Variants in JAKMIP3 observed in about 807,000 individuals in gnomAD.
JAKMIP3 encodes the protein janus kinase and microtubule-interacting protein 3.
Under a neutral mutation model 118.5 loss-of-function variants are expected in JAKMIP3, and 58 were observed. The observed-to-expected ratio is 0.49, with a 90% CI of 0.40 to 0.61. The LOEUF is 0.61. Ranked by LOEUF, JAKMIP3 falls within the 20% of genes least tolerant of loss-of-function variation. The probability of loss-of-function intolerance (pLI) is 0.00; values close to 1 mark genes in which losing one functional copy is unlikely to be tolerated. For synonymous variants in JAKMIP3, 486 were observed against 451.2 expected (o/e 1.08, Z -0.98); for missense variants, 950 against 1,109.0 (o/e 0.86, Z 2.04).
Position 132,136,929 on chromosome 10 carries a change from G to A in JAKMIP3, c.1117-90G>A, listed in dbSNP as rs2051908014. On this transcript the variant is annotated intron_variant, in intron 6 of 23. Coordinates refer to ENST00000684848, the MANE Select transcript of JAKMIP3 (RefSeq NM_001323087.2). Reference sequence around the variant, plus strand: ...CGGGCAGCTGAGAGTGGCAGCCCGGGTTGAGGGAGAAGACCCCCCCGCCGA... The same window carrying A: ...CGGGCAGCTGAGAGTGGCAGCCCGGATTGAGGGAGAAGACCCCCCCGCCGA... The A allele has an allele frequency of 3.5e-6, 5 of 1,446,012 alleles. No individual in the cohort carries two copies. The South Asian group carries it at 5.4e-5, about 16-fold the overall frequency. 89.6% of individuals were successfully genotyped at this position (1,446,012 alleles called of 1,614,324 possible).
chr10:132,146,862 T>TCAGCACA (rs2054718834), intron 13 of JAKMIP3, among the ~76,000 whole-genome samples: 1 of 152,222 alleles, frequency 6.6e-6, no homozygotes, highest in Non-Finnish European at 1.5e-5. Flanking sequence ...AGCACAGTGC[T>TCAGCACA]GTGTGTGCCA....
At chr10:132,085,832 C>T (rs2042332296) in intron 1 of JAKMIP3, among the ~76,000 whole-genome samples, 1 of 152,092 alleles carries the variant, frequency 6.6e-6, no homozygotes, top group Non-Finnish European at 1.5e-5. Context: ...CTTTTCGTTT[C>T]ATTTATCTTT....
chr10:132,135,697 C>T (rs962824671), intron 5 of JAKMIP3, among the ~76,000 whole-genome samples: 4 of 152,064 alleles, frequency 2.6e-5, no homozygotes, highest in African/African-American at 7.2e-5. Context: ...ACTAGGGCAC[C>T]GGGCGAGCGG....
At position 132,180,722 on chromosome 10, in the gene JAKMIP3, T is replaced by TGC. The variant is rs1459828660; in HGVS notation, c.*1104-1634_*1104-1633insCG. ...GTGTGTGTGTGCGCGTGTGTGTGCG[T>TGC]GTGTGTGCGTGTGTGCGTGCGTGCG... is the stretch of plus-strand genomic sequence containing the variant. On this transcript the variant is annotated intron_variant, in intron 23 of 23. Transcript: ENST00000684848. Among the ~76,000 whole-genome samples, 7 of 21,882 alleles carry TGC rather than the reference T, an allele frequency of 3.2e-4. 1 individual carries two copies. Among genetic ancestry groups the TGC allele is most frequent in the East Asian group, 4.5e-3 (1 of 220 alleles). The allele number at this position is 21,882 out of a possible 152,430, so 14.4% of individuals were successfully genotyped here. A position where few individuals can be genotyped will look rare whatever the true frequency, so the allele number is the denominator to read the frequency against.
chr10:132,106,315 A>G (rs541214808), intron 2 of JAKMIP3, among the ~76,000 whole-genome samples: 15 of 152,114 alleles, frequency 9.9e-5, no homozygotes, highest in African/African-American at 3.6e-4. Flanking sequence ...TCTAGCCTGC[A>G]TGACAGAGCG....
intron 3 of JAKMIP3, among the ~76,000 whole-genome samples, chr10:132,123,651 T>A (rs1009329189): frequency 2.0e-5 from 3 of 152,180 alleles, no homozygotes; most frequent in Admixed American, 6.5e-5. Flanking sequence ...TGCTCTCTGA[T>A]GGCGTCGCTC....
intron 1 of JAKMIP3, among the ~76,000 whole-genome samples, chr10:132,042,219 T>TTCCTTCC (rs1564848163): frequency 6.8e-5 from 2 of 29,206 alleles, no homozygotes; most frequent in African/African-American, 2.1e-4. Flanking sequence ...TCCTTCCTTC[T>TTCCTTCC]TTCCTCCTCC....
At chr10:132,180,744 T>TGC (rs144225577) in intron 23 of JAKMIP3, among the ~76,000 whole-genome samples, 15,735 of 21,912 alleles carry the variant, frequency 0.72, 7,091 homozygotes, top group Non-Finnish European at 0.79. Flanking sequence ...TGTGCGTGCG[T>TGC]GCGCGCGCGT....
intron 13 of JAKMIP3, among the ~76,000 whole-genome samples, chr10:132,146,968 A>C (rs747836066): frequency 1.3e-5 from 2 of 152,182 alleles, no homozygotes; most frequent in Non-Finnish European, 2.9e-5. Flanking sequence ...TTGAACACGC[A>C]CACACGTAAA....
chr10:132,045,303 G>T (rs1210959155), intron 1 of JAKMIP3, among the ~76,000 whole-genome samples: 1 of 152,134 alleles, frequency 6.6e-6, no homozygotes, highest in Non-Finnish European at 1.5e-5. Flanking sequence ...CTTGTTGGCT[G>T]CCTGGATGTT....
chr10:132,111,484 T>C (rs1180610921), intron 2 of JAKMIP3, among the ~76,000 whole-genome samples: 1 of 151,806 alleles, frequency 6.6e-6, no homozygotes, highest in East Asian at 1.9e-4. Context: ...GCAGCCCTCA[T>C]GGGGAGGGTG....
intron 1 of JAKMIP3, among the ~76,000 whole-genome samples, chr10:132,050,386 G>A (rs2038064188): frequency 1.3e-5 from 2 of 152,232 alleles, no homozygotes; most frequent in South Asian, 4.1e-4. Context: ...GGTGTCCAAT[G>A]GACCCTTCAT....
intron 1 of JAKMIP3, among the ~76,000 whole-genome samples, chr10:132,040,396 C>T (rs1346533515): frequency 6.6e-6 from 1 of 152,160 alleles, no homozygotes; most frequent in Non-Finnish European, 1.5e-5. Flanking sequence ...CAGGGCCCTC[C>T]CCTCGCTCCG....
intron 4 of JAKMIP3, among the ~76,000 whole-genome samples, chr10:132,133,877 C>T (rs1032174868): frequency 9.2e-5 from 14 of 152,220 alleles, no homozygotes; most frequent in African/African-American, 3.1e-4. Context: ...GCTGGGTATG[C>T]GCTGCCACCA....
chr10:132,091,992 G>T (rs1178445993), intron 1 of JAKMIP3, among the ~76,000 whole-genome samples: 1 of 152,138 alleles, frequency 6.6e-6, no homozygotes, highest in African/African-American at 2.4e-5. Context: ...CTCAGCATTT[G>T]CTTGTCTGTG....
chr10:132,178,886 G>A (rs530215300), intron 23 of JAKMIP3, among the ~76,000 whole-genome samples: 6 of 152,192 alleles, frequency 3.9e-5, no homozygotes, highest in Admixed American at 1.3e-4. Context: ...CTGTTCCTCC[G>A]GCTCTGTTTT....
Position 132,141,983 on chromosome 10 carries a change from C to G in JAKMIP3, c.1537C>G (p.Gln513Glu). Residue 513 changes from glutamine to glutamate, a missense_variant, in exon 11 of 24, where the codon CAG (glutamine) becomes GAG (glutamate). By Grantham distance (29) the Gln-to-Glu change is conservative. Transcript: ENST00000684848. Reference sequence around the variant, plus strand: ...GCTGACCATGGAGTACCAGGCCCTGCAGCGTGCCTACGCTTTGTTGCAGGA... The same window carrying G: ...GCTGACCATGGAGTACCAGGCCCTGGAGCGTGCCTACGCTTTGTTGCAGGA... The part of the protein sequence containing the change: ...RQLTMEYQAL[Q>E]RAYALLQEQV... 6.2e-7 allele frequency: 1 copy of G among 1,603,408 alleles called. No homozygotes were observed. The highest frequency in any genetic ancestry group is 8.5e-7 in the Non-Finnish European group (1 of 1,175,280).
chr10:132,092,154 T>C (rs1260033291), intron 1 of JAKMIP3, among the ~76,000 whole-genome samples: 1 of 152,174 alleles, frequency 6.6e-6, no homozygotes, highest in Non-Finnish European at 1.5e-5. Flanking sequence ...TCTGATGGGC[T>C]TCCCTTTGTG....
chr10:132,146,751 C>CTTTA (rs1052185986), intron 13 of JAKMIP3, among the ~76,000 whole-genome samples: 1 of 152,170 alleles, frequency 6.6e-6, no homozygotes, highest in African/African-American at 2.4e-5. Context: ...GGGGGTCCTG[C>CTTTA]TTTAGGCTTG....
Sources: allele counts gnomAD v4.1 joint callset (sites outside exome capture counted in the v4.1 genomes callset), GRCh38; gene constraint gnomAD v4.1.1; transcripts MANE v1.5; gene names NCBI Gene and HGNC (gene_info 2026-07-23, HGNC 2026-07-21).